Variants in HIF1A observed in about 807,000 individuals in gnomAD.
HIF1A encodes the protein hypoxia-inducible factor 1-alpha.
In HIF1A, 24 loss-of-function variants were observed where a neutral mutation model predicts 92.7. The observed-to-expected ratio is 0.26, with a 90% CI of 0.19 to 0.36. The LOEUF is 0.36. Among genes scored for constraint, HIF1A ranks in the 10% least tolerant of loss-of-function variants. HIF1A has a pLI of 1.00. For synonymous variants in HIF1A, 319 were observed against 338.7 expected (o/e 0.94, Z 0.64); for missense variants, 799 against 998.5 (o/e 0.80, Z 2.69).
In HIF1A at chr14:61,745,684, T is replaced by C. The variant is rs767894610; in HGVS notation, c.2203-7T>C. 2 of 1,610,726 alleles carry C rather than the reference T, an allele frequency of 1.2e-6. No homozygotes were observed. The highest frequency in any genetic ancestry group is 1.7e-6 in the Non-Finnish European group (2 of 1,178,284). On this transcript the variant is annotated splice_region_variant and splice_polypyrimidine_tract_variant and intron_variant, in intron 13 of 14. Transcript: ENST00000337138. ...AACTAAACTTGAAATAACTTTACTG[T>C]TTATAGGGAACATTATTACAGCAGC...
chr14:61,705,793 A>G (rs2044232149), intron 1 of HIF1A, among the ~76,000 whole-genome samples: 1 of 152,156 alleles, frequency 6.6e-6, no homozygotes, highest in Non-Finnish European at 1.5e-5. Context: ...GTAATATTGG[A>G]TAGGATGGAT....
chr14:61,723,821 C>T (rs1398861392), intron 4 of HIF1A, among the ~76,000 whole-genome samples: 1 of 152,102 alleles, frequency 6.6e-6, no homozygotes, highest in Non-Finnish European at 1.5e-5. Flanking sequence ...ATGTTTCGAA[C>T]CAAATGTTCT....
Position 61,737,985 on chromosome 14 carries a change from C to T in HIF1A, c.1250-102C>T, listed in dbSNP as rs1048098793. 2.9e-5 allele frequency: 26 copies of T among 911,506 alleles called. No individual in the cohort carries two copies. The African/African-American group carries it at 4.3e-4, about 15-fold the overall frequency. 56.5% of individuals were successfully genotyped at this position (911,506 alleles called of 1,614,324 possible). Reference sequence around the variant, plus strand: ...GAGGTTGCAGTGAGCCAAGATTGCGCCATTGCACTCCAGCCTGGGCAACAG... The same window carrying T: ...GAGGTTGCAGTGAGCCAAGATTGCGTCATTGCACTCCAGCCTGGGCAACAG... On this transcript the variant is annotated intron_variant, in intron 9 of 14. Coordinates refer to ENST00000337138, the MANE Select transcript of HIF1A (RefSeq NM_001530.4).
At chr14:61,709,628 C>A (rs2044283789) in intron 1 of HIF1A, among the ~76,000 whole-genome samples, 2 of 151,982 alleles carry the variant, frequency 1.3e-5, no homozygotes, top group African/African-American at 4.8e-5. Context: ...ATGATCTAAA[C>A]CAAGAAATTT....
In HIF1A at chr14:61,745,720, T is replaced by C. The variant is rs1419061924; in HGVS notation, c.2232T>C (p.His744=). The change falls in exon 14 of 15, where the codon CAT becomes CAC. Residue 744 remains histidine (H), a synonymous_variant. Coordinates refer to ENST00000337138, the MANE Select transcript of HIF1A (RefSeq NM_001530.4). Reference sequence around the variant, plus strand: ...CATTATTACAGCAGCCAGACGATCATGCAGCTACTACATCACTTTCTTGGA... The same window carrying C: ...CATTATTACAGCAGCCAGACGATCACGCAGCTACTACATCACTTTCTTGGA... The part of the protein sequence containing the change: ...IGTLLQQPDD[H]AATTSLSWKR... The C allele has an allele frequency of 6.2e-7, 1 of 1,612,542 alleles. No homozygotes were observed. The highest frequency in any genetic ancestry group is 8.5e-7 in the Non-Finnish European group (1 of 1,178,694).
intron 1 of HIF1A, among the ~76,000 whole-genome samples, chr14:61,719,921 G>A (rs2044406474): frequency 6.6e-6 from 1 of 152,162 alleles, no homozygotes; most frequent in South Asian, 2.1e-4. Flanking sequence ...AAATCAGTTT[G>A]TAGCTATTAC....
At position 61,737,144 on chromosome 14, in the gene HIF1A, G is replaced by A. The variant is rs746233070; in HGVS notation, c.1249+35G>A. On this transcript the variant is annotated intron_variant, in intron 9 of 14. Transcript: ENST00000337138. ...TATTTTTGTTAATCCCCTAAATTGTGTCTGTTGCTACAAGCCCCATTTCAA... is the reference window on the plus strand; with the variant it reads ...TATTTTTGTTAATCCCCTAAATTGTATCTGTTGCTACAAGCCCCATTTCAA... The A allele has an allele frequency of 1.0e-5, 15 of 1,456,438 alleles. No homozygotes were observed. In the Admixed American group the frequency reaches 1.0e-4, roughly 10 times the overall value. 90.2% of individuals were successfully genotyped at this position (1,456,438 alleles called of 1,614,324 possible).
In HIF1A at chr14:61,738,128, T is replaced by C. The variant is rs765661722; in HGVS notation, c.1291T>C (p.Tyr431His). 4.3e-6 allele frequency: 7 copies of C among 1,612,768 alleles called. No individual in the cohort carries two copies. The highest frequency in any genetic ancestry group is 5.9e-6 in the Non-Finnish European group (7 of 1,179,244). The change falls in exon 10 of 15, where the codon TAT becomes CAT. Residue 431 changes from tyrosine to histidine, a missense_variant. By Grantham distance (83) the Tyr-to-His change is moderately conservative. Coordinates refer to ENST00000337138, the MANE Select transcript of HIF1A (RefSeq NM_001530.4). ...DDQQLEEVPL[Y>H]NDVMLPSPNE... ...CCAGCAACTTGAGGAAGTACCATTATATAATGATGTAATGCTCCCCTCACC... is the reference window on the plus strand; with the variant it reads ...CCAGCAACTTGAGGAAGTACCATTACATAATGATGTAATGCTCCCCTCACC...
Position 61,728,635 on chromosome 14 carries a change from G to C in HIF1A, c.773+980G>C, listed in dbSNP as rs529471693. 1.1e-4 allele frequency among the ~76,000 whole-genome samples: 16 copies of C among 152,274 alleles called. No homozygotes were observed. The South Asian group carries it at 3.3e-3, about 32-fold the overall frequency. On this transcript the variant is annotated intron_variant, in intron 6 of 14. Transcript: ENST00000337138. ...TACATTCATTGGCTACATACAGTTG[G>C]TGTCTAAATCTTACAGATTTACTAT...
At chr14:61,695,900 C>A (rs2044108007) in intron 1 of HIF1A, 61 bp downstream of exon 1, 1 of 1,468,450 alleles carries the variant, frequency 6.8e-7, no homozygotes, top group Non-Finnish European at 9.3e-7. Flanking sequence ...CCTGCCCGCC[C>A]TGGGCTCCTG....
chr14:61,738,569 G>A (rs144752604), intron 10 of HIF1A, among the ~76,000 whole-genome samples, 196 bp downstream of exon 10: 14 of 152,198 alleles, frequency 9.2e-5, no homozygotes, highest in Admixed American at 4.6e-4. Flanking sequence ...CTCAAAGATA[G>A]TCAGGAACAT....
At chr14:61,713,666 C>T (rs1416789253) in intron 1 of HIF1A, among the ~76,000 whole-genome samples, 3 of 152,200 alleles carry the variant, frequency 2.0e-5, no homozygotes, top group South Asian at 2.1e-4. Flanking sequence ...CTACACATCT[C>T]TTCATGTGTA....
intron 14 of HIF1A, 124 bp from the exon 15 acceptor site, chr14:61,746,810 A>C (rs1268832013): frequency 1.5e-4 from 99 of 663,398 alleles, no homozygotes; most frequent in Non-Finnish European, 1.5e-5. Flanking sequence ...TGGTTTTGCC[A>C]GGTAAACTAA....
At chr14:61,733,386 T>G (rs1227165899) in intron 7 of HIF1A, among the ~76,000 whole-genome samples, 1 of 152,248 alleles carries the variant, frequency 6.6e-6, no homozygotes, top group Non-Finnish European at 1.5e-5. Context: ...TAAATTATTT[T>G]TTACTATAGT....
intron 1 of HIF1A, among the ~76,000 whole-genome samples, chr14:61,696,344 T>G (rs983100095): frequency 7.2e-5 from 11 of 152,382 alleles, no homozygotes; most frequent in African/African-American, 2.6e-4. Context: ...CCAGTGGACT[T>G]GGGGCCTTGA....
chr14:61,737,198 T>A, intron 9 of HIF1A, 89 bp downstream of exon 9: 1 of 865,256 alleles, frequency 1.2e-6, no homozygotes, highest in Non-Finnish European at 1.8e-6. Context: ...TTTTTGTTGG[T>A]AATCATTTGG....
intron 6 of HIF1A, among the ~76,000 whole-genome samples, chr14:61,730,190 T>C (rs2044558780): frequency 6.6e-6 from 1 of 152,166 alleles, no homozygotes; most frequent in African/African-American, 2.4e-5. Flanking sequence ...TTAAAAACAC[T>C]TTTTGGTCAT....
At chr14:61,724,815 A>G (rs1261981088) in intron 4 of HIF1A, among the ~76,000 whole-genome samples, 1 of 152,018 alleles carries the variant, frequency 6.6e-6, no homozygotes. Flanking sequence ...ACAGTCACCT[A>G]ATTCTAACAT....
Position 61,737,079 on chromosome 14 carries a change from A to G in HIF1A, c.1219A>G (p.Thr407Ala). 1 of 1,614,208 alleles carries G rather than the reference A, an allele frequency of 6.2e-7. No individual in the cohort carries two copies. Among genetic ancestry groups the G allele is most frequent in the Non-Finnish European group, 8.5e-7 (1 of 1,180,004 alleles). The change falls in exon 9 of 15, where the codon ACA becomes GCA. Residue 407 changes from threonine to alanine, a missense_variant. This residue lies in a region of HIF1A where 516 missense variants were observed against 721.0 expected (regional missense o/e 0.72). Coordinates refer to ENST00000337138, the MANE Select transcript of HIF1A (RefSeq NM_001530.4). ...LTLLAPAAGDTIISLDFGSND... is the reference protein window; with the variant it reads ...LTLLAPAAGDAIISLDFGSND... The stretch of plus-strand genomic sequence containing the variant: ...TTTGCTGGCCCCAGCCGCTGGAGAC[A>G]CAATCATATCTTTAGATTTTGGCAG...
Sources: allele counts gnomAD v4.1 joint callset (sites outside exome capture counted in the v4.1 genomes callset), GRCh38; gene constraint gnomAD v4.1.1; regional missense constraint gnomAD v4.1.1; transcripts MANE v1.5; gene names NCBI Gene and HGNC (gene_info 2026-07-23, HGNC 2026-07-21).